Variants in LHFPL3 observed in about 807,000 individuals in gnomAD.
LHFPL3 encodes the protein LHFPL tetraspan subfamily member 3.
A neutral mutation model predicts 19.3 loss-of-function variants in LHFPL3; 5 were observed. The observed-to-expected ratio is 0.26, with a 90% confidence interval of 0.14 to 0.54. The LOEUF (loss-of-function observed/expected upper bound fraction) is 0.54, where lower values mean the gene tolerates loss of function less well. Ranked by LOEUF, LHFPL3 falls within the 20% of genes least tolerant of loss-of-function variation. LHFPL3 has a pLI of 0.94. For synonymous variants in LHFPL3, 133 were observed against 126.2 expected, an observed-to-expected ratio of 1.05 and a Z score of -0.36; for missense variants, 249 against 307.4, an observed-to-expected ratio of 0.81 and a Z score of 1.42.
chr7:104,742,203 A>G (rs570431874), intron 2 of LHFPL3, among the ~76,000 whole-genome samples: 3 of 152,186 alleles, frequency 2.0e-5, no homozygotes, highest in Non-Finnish European at 2.9e-5. Flanking sequence ...CTATGCCACA[A>G]ATATCTCTTT....
intron 2 of LHFPL3, among the ~76,000 whole-genome samples, chr7:104,776,018 G>A (rs932463082): frequency 1.3e-5 from 2 of 152,092 alleles, no homozygotes; most frequent in African/African-American, 2.4e-5. Flanking sequence ...TCCTATCTTT[G>A]TACTTTCTAG....
chr7:104,839,227 T>C (rs1482050032), intron 2 of LHFPL3, among the ~76,000 whole-genome samples: 1 of 152,180 alleles, frequency 6.6e-6, no homozygotes, highest in Non-Finnish European at 1.5e-5. Context: ...ATTGGTAAGA[T>C]TGTAAAACAG....
intron 1 of LHFPL3, among the ~76,000 whole-genome samples, chr7:104,385,679 C>G (rs1272358069): frequency 6.6e-6 from 1 of 152,206 alleles, no homozygotes; most frequent in Non-Finnish European, 1.5e-5. Flanking sequence ...TTCATTCATT[C>G]ATTCAAGAAG....
At chr7:104,781,325 C>G (rs903269916) in intron 2 of LHFPL3, among the ~76,000 whole-genome samples, 3 of 152,192 alleles carry the variant, frequency 2.0e-5, no homozygotes, top group Non-Finnish European at 4.4e-5. Flanking sequence ...AGCCCATCAC[C>G]TTATGGCTGC....
intron 1 of LHFPL3, among the ~76,000 whole-genome samples, chr7:104,550,491 A>T (rs1794645332): frequency 6.6e-6 from 1 of 152,208 alleles, no homozygotes. Flanking sequence ...ATCATGAGTC[A>T]TCTGAAAAGC....
chr7:104,565,673 C>G (rs566092663), intron 1 of LHFPL3, among the ~76,000 whole-genome samples: 1 of 149,202 alleles, frequency 6.7e-6, no homozygotes, highest in Non-Finnish European at 1.5e-5. Context: ...AACAGTTAGA[C>G]TTTTTTTTTT....
At chr7:104,735,032 G>A (rs994134404) in intron 1 of LHFPL3, among the ~76,000 whole-genome samples, 32 of 152,192 alleles carry the variant, frequency 2.1e-4, no homozygotes, top group Admixed American at 7.9e-4. Flanking sequence ...GCAGAACAGC[G>A]GATATTGGTG....
chr7:104,736,391 C>A (rs943056334), intron 1 of LHFPL3, among the ~76,000 whole-genome samples: 1 of 152,094 alleles, frequency 6.6e-6, no homozygotes, highest in African/African-American at 2.4e-5. Flanking sequence ...ATTTTCTTAA[C>A]CTCTTTCGGG....
chr7:104,437,150 C>T (rs1792124238), intron 1 of LHFPL3, among the ~76,000 whole-genome samples: 1 of 152,188 alleles, frequency 6.6e-6, no homozygotes, highest in African/African-American at 2.4e-5. Context: ...AAAGTTGCAA[C>T]ATCTGTAAGT....
chr7:104,851,546 G>A (rs533423659), intron 2 of LHFPL3, among the ~76,000 whole-genome samples: 114 of 152,272 alleles, frequency 7.5e-4, no homozygotes, highest in Middle Eastern at 3.4e-3. Context: ...TACGGCCAAC[G>A]CATTGGTCAC....
chr7:104,707,057 C>G (rs780925047), intron 1 of LHFPL3, among the ~76,000 whole-genome samples: 6 of 152,160 alleles, frequency 3.9e-5, no homozygotes, highest in African/African-American at 7.2e-5. Context: ...ACCAAACATT[C>G]AACATCCTGG....
intron 2 of LHFPL3, among the ~76,000 whole-genome samples, chr7:104,859,100 T>TAA (rs35915045): frequency 3.4e-5 from 5 of 146,778 alleles, no homozygotes; most frequent in African/African-American, 7.5e-5. Flanking sequence ...CAGTCTCTAC[T>TAA]AAAAAAAAAT....
At chr7:104,443,162 G>C (rs1319458290) in intron 1 of LHFPL3, among the ~76,000 whole-genome samples, 4 of 152,124 alleles carry the variant, frequency 2.6e-5, no homozygotes, top group Non-Finnish European at 1.5e-5. Flanking sequence ...GAGATTGTAT[G>C]GTCTTGTACA....
chr7:104,555,808 T>C (rs573517554), intron 1 of LHFPL3, among the ~76,000 whole-genome samples: 2 of 152,266 alleles, frequency 1.3e-5, no homozygotes, highest in East Asian at 3.9e-4. Context: ...GCAAGTCCCT[T>C]CCACCTATGA....
rs1011097244 is a variant in LHFPL3, at chr7:104,346,355, G to C, written c.445+17131G>C. Among the ~76,000 whole-genome samples the C allele has an allele frequency of 7.5e-5, 10 of 132,584 alleles. 1 individual carries two copies. The highest frequency in any genetic ancestry group is 7.1e-4 in the Admixed American group (10 of 14,126). 87.0% of individuals were successfully genotyped at this position (132,584 alleles called of 152,430 possible). On this transcript the variant is annotated intron_variant, in intron 1 of 2. Transcript: ENST00000424859. ...ATCAGGGTTTTTTTTTTTTTTTTTG[G>C]TCATCTGTTCTGCTGTATTGTTCAA...
chr7:104,457,990 A>C (rs1197434166), intron 1 of LHFPL3, among the ~76,000 whole-genome samples: 2 of 145,572 alleles, frequency 1.4e-5, no homozygotes, highest in Non-Finnish European at 3.0e-5. Context: ...AATTTGTTTG[A>C]GTTCATTGTA....
intron 1 of LHFPL3, among the ~76,000 whole-genome samples, chr7:104,483,710 G>A (rs1430979109): frequency 6.6e-6 from 1 of 152,056 alleles, no homozygotes; most frequent in East Asian, 1.9e-4. Context: ...CAAACTCCTG[G>A]GCTCAAGCAA....
chr7:104,763,483 C>T (rs1028528871), intron 2 of LHFPL3, among the ~76,000 whole-genome samples: 1 of 152,200 alleles, frequency 6.6e-6, no homozygotes, highest in African/African-American at 2.4e-5. Context: ...TACTGCATGC[C>T]GTCTGCTGCA....
chr7:104,509,373 A>G (rs559279197), intron 1 of LHFPL3, among the ~76,000 whole-genome samples: 1 of 152,152 alleles, frequency 6.6e-6, no homozygotes, highest in African/African-American at 2.4e-5. Context: ...AACGATATGT[A>G]TAAAGAATTA....
Sources: allele counts gnomAD v4.1 joint callset (sites outside exome capture counted in the v4.1 genomes callset), GRCh38; gene constraint gnomAD v4.1.1; transcripts MANE v1.5; gene names NCBI Gene and HGNC (gene_info 2026-07-23, HGNC 2026-07-21).